Variants in UCP1 observed in about 807,000 individuals in gnomAD.
The protein encoded by UCP1 is mitochondrial brown fat uncoupling protein 1.
In UCP1, 24 loss-of-function variants were observed where a neutral mutation model predicts 26.2. The observed-to-expected ratio is 0.92, with a 90% CI of 0.66 to 1.29. The LOEUF is 1.29. Among genes scored for constraint, UCP1 ranks in the 50% most tolerant of loss-of-function variants. The probability of loss-of-function intolerance (pLI) is 0.00; values close to 1 mark genes in which losing one functional copy is unlikely to be tolerated. For synonymous variants in UCP1, 164 were observed against 156.8 expected (o/e 1.05, Z -0.34); for missense variants, 402 against 388.7 (o/e 1.03, Z -0.29).
Position 140,568,690 on chromosome 4 carries a change from C to A in UCP1, c.40G>T (p.Gly14Trp). 6.2e-7 allele frequency: 1 copy of A among 1,606,014 alleles called. No homozygotes were observed. Among genetic ancestry groups the A allele is most frequent in the East Asian group, 2.2e-5 (1 of 44,618 alleles). ...ATTCCAGCTGAGAAGAGCTGGACCC[C>A]CAGGGTCGGGTGTACGTCCGAGGCT... ...LTASDVHPTL[G>W]VQLFSAGIAA... Residue 14 changes from glycine (G) to tryptophan (W), a missense_variant, in exon 1 of 6, where the codon GGG (glycine) becomes TGG (tryptophan). By Grantham distance (184) the Gly-to-Trp change is radical. Coordinates refer to ENST00000262999, the MANE Select transcript of UCP1 (RefSeq NM_021833.5).
chr4:140,564,342 A>G (rs1424939262), intron 2 of UCP1, among the ~76,000 whole-genome samples: 1 of 152,230 alleles, frequency 6.6e-6, no homozygotes, highest in Non-Finnish European at 1.5e-5. Flanking sequence ...TTTTTGTCTT[A>G]AAATTTTGAA....
Position 140,560,019 on chromosome 4 carries a change from G to A in UCP1, c.810-9C>T, listed in dbSNP as rs766646535. On this transcript the variant is annotated splice_polypyrimidine_tract_variant and intron_variant, in intron 5 of 5. Transcript: ENST00000262999. ...AGAAGGAAGGTACCAACCTAGAAAA[G>A]TGCATGTCATCGTTCGATTAATTTG... is the stretch of plus-strand genomic sequence containing the variant. 6.2e-7 allele frequency: 1 copy of A among 1,604,486 alleles called. No homozygotes were observed. The highest frequency in any genetic ancestry group is 8.5e-7 in the Non-Finnish European group (1 of 1,171,546).
chr4:140,562,739 C>T (rs556153775), intron 4 of UCP1, among the ~76,000 whole-genome samples: 1 of 151,882 alleles, frequency 6.6e-6, no homozygotes, highest in South Asian at 2.1e-4. Flanking sequence ...TTGGATGAGA[C>T]CACTGATAAG....
Position 140,567,902 on chromosome 4 carries a change from T to C in UCP1, c.202A>G (p.Thr68Ala), listed in dbSNP as rs1365538590. Residue 68 changes from threonine (T) to alanine (A), a missense_variant, in exon 2 of 6, where the codon ACA becomes GCA. Physicochemically the swap from Thr to Ala is moderately conservative, Grantham distance 58. Coordinates refer to ENST00000262999, the MANE Select transcript of UCP1 (RefSeq NM_021833.5). ...CTGTAGAGTTTCATCCGCCCTTCTG[T>C]TTTTACCACAGCGGTGATTGTTCCC... ...VLGTITAVVK[T>A]EGRMKLYSGL... The C allele has an allele frequency of 6.2e-7, 1 of 1,614,080 alleles. No individual in the cohort carries two copies. The highest frequency in any genetic ancestry group is 1.1e-5 in the South Asian group (1 of 91,086).
intron 5 of UCP1, among the ~76,000 whole-genome samples, 199 bp from the exon 6 acceptor site, chr4:140,560,209 C>T (rs1170376649): frequency 1.3e-5 from 2 of 152,114 alleles, no homozygotes; most frequent in African/African-American, 4.8e-5. Context: ...TGCACCACCA[C>T]ACTCAGCCTG....
At chr4:140,560,049 A>ATTTT in intron 5 of UCP1, 39 bp from the exon 6 acceptor site, 2 of 1,255,716 alleles carry the variant, frequency 1.6e-6, no homozygotes, top group Non-Finnish European at 2.2e-6. Context: ...AATTTGTTTG[A>ATTTT]TTTTTTTTTT....
Position 140,568,656 on chromosome 4 carries a change from C to T in UCP1, c.74G>A (p.Cys25Tyr). 2 of 1,611,968 alleles carry T rather than the reference C, an allele frequency of 1.2e-6. No individual in the cohort carries two copies. Among genetic ancestry groups the T allele is most frequent in the African/African-American group, 1.3e-5 (1 of 75,034 alleles). The stretch of plus-strand genomic sequence containing the variant: ...CGGGAAGGTGATCACGTCCGCCAAG[C>T]ACGCCGCTATTCCAGCTGAGAAGAG... ...VQLFSAGIAA[C>Y]LADVITFPLD... Residue 25 changes from cysteine (C) to tyrosine (Y), a missense_variant, in exon 1 of 6, where the codon TGC becomes TAC. Transcript: ENST00000262999.
chr4:140,562,193 C>T lies in UCP1; in HGVS notation c.809G>A (p.Gly270Glu), dbSNP rs748876349. Residue 270 changes from glycine (G) to glutamate (E), a missense_variant and splice_region_variant, in exon 5 of 6, where the codon GGG becomes GAG. By Grantham distance (98) the Gly-to-Glu change is moderately conservative. Transcript: ENST00000262999. ...ACAGATACACAAGATCATATCTTAC[C>T]CCTTGAAGAAAGCCGTTGGTCCTTC... ...TNEGPTAFFK[G>E]LVPSFLRLGS... 3.1e-6 allele frequency: 5 copies of T among 1,614,016 alleles called. No homozygotes were observed. In the African/African-American group the frequency reaches 6.7e-5, roughly 22 times the overall value.
At chr4:140,560,199 T>G (rs998567862) in intron 5 of UCP1, among the ~76,000 whole-genome samples, 189 bp from the exon 6 acceptor site, 1 of 152,088 alleles carries the variant, frequency 6.6e-6, no homozygotes, top group Non-Finnish European at 1.5e-5. Context: ...GACTAGAGAC[T>G]GCACCACCAC....
At chr4:140,561,427 G>A (rs766258530) in intron 5 of UCP1, among the ~76,000 whole-genome samples, 2 of 151,980 alleles carry the variant, frequency 1.3e-5, no homozygotes, top group African/African-American at 4.8e-5. Context: ...ATCATAGCTC[G>A]CTGAAACCTT....
Position 140,562,325 on chromosome 4 carries a change from G to A in UCP1, c.677C>T (p.Ala226Val). The stretch of plus-strand genomic sequence containing the variant: ...ATCCACCGGGGAGGACATAGCTGTT[G>A]CGCAAAATCCAGCGATAAGAGCCGA... ...LVSALIAGFCATAMSSPVDVV... is the reference protein window; with the variant it reads ...LVSALIAGFCVTAMSSPVDVV... The change falls in exon 5 of 6, where the codon GCA (alanine) becomes GTA (valine). Residue 226 changes from alanine to valine, a missense_variant. Transcript: ENST00000262999. The A allele has an allele frequency of 6.2e-7, 1 of 1,614,132 alleles. No individual in the cohort carries two copies. Among genetic ancestry groups the A allele is most frequent in the East Asian group, 2.2e-5 (1 of 44,880 alleles).
At chr4:140,561,448 G>A (rs1331713076) in intron 5 of UCP1, among the ~76,000 whole-genome samples, 1 of 152,028 alleles carries the variant, frequency 6.6e-6, no homozygotes, top group Middle Eastern at 3.2e-3. Flanking sequence ...GAACTCCTGG[G>A]CTCAGGAGAT....
Position 140,568,516 on chromosome 4 carries a change from G to C in UCP1, c.126+88C>G, listed in dbSNP as rs552486107. 5 of 1,587,802 alleles carry C rather than the reference G, an allele frequency of 3.1e-6. No homozygotes were observed. In the African/African-American group the frequency reaches 6.7e-5, roughly 21 times the overall value. Reference sequence around the variant, plus strand: ...TCACCTACCCTACCTAGAAACAGTGGTTACACCAAAGCAGAGAATAAATGG... The same window carrying C: ...TCACCTACCCTACCTAGAAACAGTGCTTACACCAAAGCAGAGAATAAATGG... On this transcript the variant is annotated intron_variant, in intron 1 of 5. Transcript: ENST00000262999.
chr4:140,568,666 T>C lies in UCP1; in HGVS notation c.64A>G (p.Ile22Val), dbSNP rs1406382173. 1 of 1,611,126 alleles carries C rather than the reference T, an allele frequency of 6.2e-7. No homozygotes were observed. The highest frequency in any genetic ancestry group is 1.3e-5 in the African/African-American group (1 of 75,024). Residue 22 changes from isoleucine to valine, a missense_variant, in exon 1 of 6, where the codon ATA becomes GTA. Transcript: ENST00000262999. Reference sequence around the variant, plus strand: ...ATCACGTCCGCCAAGCACGCCGCTATTCCAGCTGAGAAGAGCTGGACCCCC... The same window carrying C: ...ATCACGTCCGCCAAGCACGCCGCTACTCCAGCTGAGAAGAGCTGGACCCCC... ...TLGVQLFSAGIAACLADVITF... is the reference protein window; with the variant it reads ...TLGVQLFSAGVAACLADVITF...
At chr4:140,565,785 G>A (rs144860012) in intron 2 of UCP1, among the ~76,000 whole-genome samples, 2 of 151,322 alleles carry the variant, frequency 1.3e-5, no homozygotes, top group African/African-American at 4.8e-5. Context: ...AAAATCTCAC[G>A]GACCATACCT....
chr4:140,562,924 A>G (rs1429588445), intron 4 of UCP1, among the ~76,000 whole-genome samples, 186 bp downstream of exon 4: 1 of 152,224 alleles, frequency 6.6e-6, no homozygotes, highest in East Asian at 1.9e-4. Context: ...GTTGTGGCAA[A>G]ACTTCTTAAA....
At chr4:140,562,418 CT>C (rs1735698802) in intron 4 of UCP1, 45 bp from the exon 5 acceptor site, 1 of 1,602,788 alleles carries the variant, frequency 6.2e-7, no homozygotes, top group South Asian at 1.1e-5. Flanking sequence ...CTTTTGGGGG[CT>C]TGCAATTTAG....
intron 2 of UCP1, among the ~76,000 whole-genome samples, chr4:140,566,719 A>C (rs1735806816): frequency 6.6e-6 from 1 of 152,248 alleles, no homozygotes; most frequent in African/African-American, 2.4e-5. Context: ...CCATCAGCAC[A>C]TCTTCTCTCT....
At chr4:140,566,335 G>A (rs1477397427) in intron 2 of UCP1, among the ~76,000 whole-genome samples, 1 of 152,204 alleles carries the variant, frequency 6.6e-6, no homozygotes, top group Admixed American at 6.5e-5. Context: ...GCACATGGCA[G>A]TTCAATAAAG....
Sources: allele counts gnomAD v4.1 joint callset (sites outside exome capture counted in the v4.1 genomes callset), GRCh38; gene constraint gnomAD v4.1.1; transcripts MANE v1.5; gene names NCBI Gene and HGNC (gene_info 2026-07-23, HGNC 2026-07-21).